TCF20: variants seen among roughly 807,000 people sequenced by gnomAD.
The protein encoded by TCF20 is transcription factor 20, also known as SPRE-binding protein.
In TCF20, 3 loss-of-function variants were observed where a neutral mutation model predicts 148.6. That is an observed-to-expected ratio of 0.02 (90% CI 0.01 to 0.05). TCF20 has a LOEUF of 0.05. Ranked by LOEUF, TCF20 falls within the 10% of genes least tolerant of loss-of-function variation. TCF20 has a pLI of 1.00. For missense variants in TCF20, 2,350 were observed against 2,429.3 expected, an observed-to-expected ratio of 0.97 and a Z score of 0.69; for synonymous variants, 1,049 against 909.5, an observed-to-expected ratio of 1.15 and a Z score of -2.76.
chr22:42,212,011 C>T lies in TCF20; in HGVS notation c.3295G>A (p.Asp1099Asn), dbSNP rs1454869466. The T allele has an allele frequency of 4.3e-6, 7 of 1,614,100 alleles. No individual in the cohort carries two copies. In the African/African-American group the frequency reaches 9.3e-5, roughly 22 times the overall value. ...CCCTGAGCAGAACCGCTGCTCCAGTCTTTATACTCCTCTGGTTGCTGTTGG... is the reference window on the plus strand; with the variant it reads ...CCCTGAGCAGAACCGCTGCTCCAGTTTTTATACTCCTCTGGTTGCTGTTGG... ...MYQQQPEEYKDWSSGSAQGVI... is the reference protein window; with the variant it reads ...MYQQQPEEYKNWSSGSAQGVI... Residue 1099 changes from aspartate (D) to asparagine (N), a missense_variant, in exon 2 of 6, where the codon GAC (aspartate) becomes AAC (asparagine). Transcript: ENST00000677622.
intron 1 of TCF20, among the ~76,000 whole-genome samples, chr22:42,259,709 T>A (rs140884817): frequency 6.6e-6 from 1 of 152,328 alleles, no homozygotes; most frequent in African/African-American, 2.4e-5. Context: ...TCAACAGCTC[T>A]CATCCTACCA....
chr22:42,309,927 G>A (rs542802342), intron 1 of TCF20, among the ~76,000 whole-genome samples: 2 of 152,200 alleles, frequency 1.3e-5, no homozygotes, highest in Non-Finnish European at 2.9e-5. Flanking sequence ...TTGTGTCCAA[G>A]GCTAACTCCA....
chr22:42,166,968 C>A (rs1453572029), intron 5 of TCF20, among the ~76,000 whole-genome samples: 1 of 152,172 alleles, frequency 6.6e-6, no homozygotes, highest in Admixed American at 6.5e-5. Flanking sequence ...CTTTCAAAAC[C>A]ACGCAATGCA....
At chr22:42,332,846 T>C (rs1334984407) in intron 1 of TCF20, among the ~76,000 whole-genome samples, 1 of 152,202 alleles carries the variant, frequency 6.6e-6, no homozygotes, top group African/African-American at 2.4e-5. Context: ...GCTCTGTTTC[T>C]ATAAAGTGCA....
At chr22:42,251,490 G>GT (rs1269590672) in intron 1 of TCF20, among the ~76,000 whole-genome samples, 13 of 77,432 alleles carry the variant, frequency 1.7e-4, no homozygotes, top group African/African-American at 5.7e-4. Context: ...CCAAACAAGT[G>GT]TCTTTTTTTT....
At position 42,209,728 on chromosome 22, in the gene TCF20, G is replaced by A; in HGVS notation, c.5578C>T (p.Leu1860Phe). The change falls in exon 2 of 6, where the codon CTC becomes TTC. Residue 1860 changes from leucine to phenylalanine, a missense_variant. Leu to Phe is a conservative substitution (Grantham distance 22). Transcript: ENST00000677622. The stretch of plus-strand genomic sequence containing the variant: ...ACCAGGTAGATTCCATTGGCCCAGA[G>A]AATACAACCCTCATGGACCCAAAAT... ...NEFWVHEGCI[L>F]WANGIYLVCG... The A allele has an allele frequency of 6.2e-7, 1 of 1,614,210 alleles. No individual in the cohort carries two copies. Among genetic ancestry groups the A allele is most frequent in the Non-Finnish European group, 8.5e-7 (1 of 1,180,036 alleles).
intron 3 of TCF20, among the ~76,000 whole-genome samples, chr22:42,173,718 T>C (rs548101935): frequency 1.3e-5 from 2 of 152,210 alleles, no homozygotes; most frequent in Non-Finnish European, 2.9e-5. Context: ...TGCAGGCCTC[T>C]GGGTCACTGT....
At chr22:42,179,277 T>C (rs930514013) in intron 3 of TCF20, among the ~76,000 whole-genome samples, 1 of 151,708 alleles carries the variant, frequency 6.6e-6, no homozygotes, top group African/African-American at 2.4e-5. Flanking sequence ...GAATGTTCTA[T>C]AGCAGCATTA....
chr22:42,296,038 G>T (rs1927231047), intron 1 of TCF20, among the ~76,000 whole-genome samples: 1 of 152,184 alleles, frequency 6.6e-6, no homozygotes, highest in South Asian at 2.1e-4. Context: ...AGCTATAGAT[G>T]GATCTGTTTC....
intron 1 of TCF20, among the ~76,000 whole-genome samples, chr22:42,300,560 G>A (rs1017794753): frequency 6.6e-6 from 1 of 152,160 alleles, no homozygotes. Flanking sequence ...CACACAGTGA[G>A]TGCTCAAGGG....
chr22:42,289,235 GA>G (rs1927089422), intron 1 of TCF20, among the ~76,000 whole-genome samples: 1 of 152,106 alleles, frequency 6.6e-6, no homozygotes. Context: ...CCACTTCAGG[GA>G]AGTGAGGTAT....
At chr22:42,272,499 G>A (rs1292450011), upstream of TCF20, among the ~76,000 whole-genome samples, 3 of 152,144 alleles carry the variant, frequency 2.0e-5, no homozygotes, top group African/African-American at 4.8e-5. Flanking sequence ...GCAGGGCCCG[G>A]GGGATGCTGA....
chr22:42,246,361 C>T (rs1404260065), intron 1 of TCF20, among the ~76,000 whole-genome samples: 2 of 152,154 alleles, frequency 1.3e-5, no homozygotes, highest in Non-Finnish European at 2.9e-5. Context: ...CCATCCGCCT[C>T]GGCCTCCCAA....
At position 42,297,251 on chromosome 22, in the gene TCF20, G is replaced by C. The variant is rs1324914235; in HGVS notation, c.-37+46228C>G. Among the ~76,000 whole-genome samples, 1 of 152,222 alleles carries C rather than the reference G, an allele frequency of 6.6e-6. No homozygotes were observed. Among genetic ancestry groups the C allele is most frequent in the Non-Finnish European group, 1.5e-5 (1 of 68,034 alleles). ...GAGGGCTACGCTGTAGAACTGACCA[G>C]GGGGCTGAAAAAAGAAAAACAGGTG... is the stretch of plus-strand genomic sequence containing the variant. On this transcript the variant is annotated intron_variant, in intron 1 of 1. Coordinates refer to the TCF20 transcript ENST00000515426. The surrounding 1 kb of genome is among the most constrained non-coding windows in gnomAD (Gnocchi z 4.3).
chr22:42,187,098 C>T (rs886755449), intron 2 of TCF20, among the ~76,000 whole-genome samples: 2 of 152,166 alleles, frequency 1.3e-5, no homozygotes, highest in Non-Finnish European at 2.9e-5. Context: ...CAAACCTGTC[C>T]CTACTCACAT....
intron 2 of TCF20, among the ~76,000 whole-genome samples, chr22:42,186,434 AACAT>A (rs1339449860): frequency 2.0e-5 from 3 of 152,284 alleles, no homozygotes; most frequent in Non-Finnish European, 1.5e-5. Context: ...AATTACATAA[AACAT>A]ACATTCATCT....
intron 1 of TCF20, among the ~76,000 whole-genome samples, chr22:42,316,085 G>T (rs1483992527): frequency 3.6e-5 from 5 of 139,348 alleles, no homozygotes; most frequent in Non-Finnish European, 4.6e-5. Flanking sequence ...TCCAGTCTGA[G>T]TGACAGAACA....
At chr22:42,288,292 C>T (rs774362700), upstream of TCF20, among the ~76,000 whole-genome samples, 4 of 152,082 alleles carry the variant, frequency 2.6e-5, no homozygotes, top group African/African-American at 9.7e-5. Flanking sequence ...AATCCCAGAA[C>T]GTTGGGAGGC....
chr22:42,196,459 A>T (rs1318504997), intron 2 of TCF20, among the ~76,000 whole-genome samples: 1 of 152,242 alleles, frequency 6.6e-6, no homozygotes, highest in East Asian at 1.9e-4. Context: ...TTACTTCAAT[A>T]AAGAACCCTA....
Sources: allele counts gnomAD v4.1 joint callset (sites outside exome capture counted in the v4.1 genomes callset), GRCh38; gene constraint gnomAD v4.1.1; non-coding constraint Gnocchi (gnomAD v3.1); transcripts MANE v1.5; gene names NCBI Gene and HGNC (gene_info 2026-07-23, HGNC 2026-07-21).